Variants in NRG2 observed in about 807,000 individuals in gnomAD.
The protein encoded by NRG2 is neuregulin 2, also known as pro-neuregulin-2, membrane-bound isoform.
NRG2 carries 27 observed loss-of-function variants against 73.9 expected under a neutral mutation model. The observed-to-expected ratio is 0.37, with a 90% confidence interval of 0.27 to 0.50. The LOEUF (loss-of-function observed/expected upper bound fraction) is 0.50. Ranked by LOEUF, NRG2 falls within the 20% of genes least tolerant of loss-of-function variation. NRG2 has a pLI of 0.96. For synonymous variants in NRG2, 532 were observed against 541.0 expected, an observed-to-expected ratio of 0.98 and a Z score of 0.23; for missense variants, 1,126 against 1,210.1, an observed-to-expected ratio of 0.93 and a Z score of 1.03.
rs1207876862 is a variant in NRG2, at chr5:139,932,794, TCTC to T, written c.701-45286_701-45284del. Among the ~76,000 whole-genome samples the T allele has an allele frequency of 3.3e-5, 5 of 150,844 alleles. No individual in the cohort carries two copies. The South Asian group carries it at 6.3e-4, about 19-fold the overall frequency. Reference sequence around the variant, plus strand: ...AAGAGAAAGAGAATAGAGAAAGAAATCTCCTAGAAGTGTCAAGAAGAAAAAGAA... The same window carrying T: ...AAGAGAAAGAGAATAGAGAAAGAAATCTAGAAGTGTCAAGAAGAAAAAGAA... On this transcript the variant is annotated intron_variant, in intron 1 of 9. Coordinates refer to ENST00000361474, the MANE Select transcript of NRG2 (RefSeq NM_004883.3).
chr5:139,887,541 C>T lies in NRG2; in HGVS notation c.701-30G>A, dbSNP rs542563377. 2.0e-5 allele frequency: 32 copies of T among 1,609,020 alleles called. No homozygotes were observed. The highest frequency in any genetic ancestry group is 8.9e-5 in the East Asian group (4 of 44,758). On this transcript the variant is annotated intron_variant, in intron 1 of 9. Coordinates refer to ENST00000361474, the MANE Select transcript of NRG2 (RefSeq NM_004883.3). This position sits in a 1 kb window ranked among gnomAD's most constrained non-coding sequence, Gnocchi z 4.5. ...GGGTTACAAGGCAGGTAGGTGAGCA[C>T]GGTGGTGGTAGGGGCAGTGCCAAGC...
Position 139,847,937 on chromosome 5 carries a change from G to A in NRG2, c.2533C>T (p.Gln845Ter). The A allele has an allele frequency of 6.7e-7, 1 of 1,498,726 alleles. No homozygotes were observed. The highest frequency in any genetic ancestry group is 8.9e-7 in the Non-Finnish European group (1 of 1,129,630). 92.8% of individuals were successfully genotyped at this position (1,498,726 alleles called of 1,614,324 possible). ...GGGCCCTAGAGTGGCGCCGAGTCCT[G>A]CTTGGCCCGCGGGGGCGGCCCGCGG... ...HSRGPPPRAK[Q>*]DSAPL Residue 845 changes from glutamine (Q) to a stop codon, truncating the protein, a stop_gained, in exon 10 of 10, where the codon CAG (glutamine) becomes TAG (stop). Transcript: ENST00000361474. LOFTEE classifies it high-confidence loss of function.
chr5:139,885,358 C>T (rs1466351886), intron 2 of NRG2, among the ~76,000 whole-genome samples: 5 of 152,178 alleles, frequency 3.3e-5, no homozygotes, highest in South Asian at 4.1e-4. Flanking sequence ...AGGCCGAGGC[C>T]GCTGAGAGGC....
At chr5:139,993,108 T>G (rs1196649714) in intron 1 of NRG2, among the ~76,000 whole-genome samples, 1 of 152,128 alleles carries the variant, frequency 6.6e-6, no homozygotes, top group Non-Finnish European at 1.5e-5. Flanking sequence ...ATTGCATTTG[T>G]GTGTGGTGTG....
intron 1 of NRG2, among the ~76,000 whole-genome samples, chr5:139,978,577 C>T (rs1395626994): frequency 6.6e-6 from 1 of 152,148 alleles, no homozygotes; most frequent in Admixed American, 6.5e-5. Flanking sequence ...CCATTTGACC[C>T]CGCCATCCCA....
intron 1 of NRG2, among the ~76,000 whole-genome samples, chr5:139,980,287 C>T (rs1025779113): frequency 6.6e-6 from 1 of 151,630 alleles, no homozygotes; most frequent in Non-Finnish European, 1.5e-5. Flanking sequence ...TGAAGCCAAA[C>T]ATCCAGCCCC....
chr5:139,859,763 G>A (rs1183830924), intron 5 of NRG2: 21 of 950,314 alleles, frequency 2.2e-5, no homozygotes, highest in Non-Finnish European at 3.4e-5. Flanking sequence ...GGGGCCAGGA[G>A]AGATTTTTGG....
Position 139,852,710 on chromosome 5 carries a change from C to A in NRG2, c.1417-151G>T. ...ACTTGATGTTGGGGCAGCGATGGCT[C>A]CAGCAAATCAACCCCCACCCCTTCC... On this transcript the variant is annotated intron_variant, in intron 7 of 9. Coordinates refer to ENST00000361474, the MANE Select transcript of NRG2 (RefSeq NM_004883.3). This position sits in a 1 kb window ranked among gnomAD's most constrained non-coding sequence, Gnocchi z 4.4. The A allele has an allele frequency of 7.0e-7, 1 of 1,420,806 alleles. No homozygotes were observed. Among genetic ancestry groups the A allele is most frequent in the Non-Finnish European group, 9.6e-7 (1 of 1,040,720 alleles). The allele number at this position is 1,420,806 out of a possible 1,614,324, so 88.0% of individuals were successfully genotyped here. A position where few individuals can be genotyped will look rare whatever the true frequency, so the allele number is the denominator to read the frequency against.
At chr5:139,883,664 C>A (rs1035083275) in intron 2 of NRG2, among the ~76,000 whole-genome samples, 2 of 152,168 alleles carry the variant, frequency 1.3e-5, no homozygotes, top group African/African-American at 4.8e-5. Context: ...GGCCCCTCTA[C>A]TAGGTGAGAT....
chr5:140,042,686 G>C lies in NRG2; in HGVS notation c.384C>G (p.Pro128=), dbSNP rs759552262. Residue 128 remains proline (P), a synonymous_variant, in exon 1 of 10, where the codon CCC becomes CCG. Coordinates refer to ENST00000361474, the MANE Select transcript of NRG2 (RefSeq NM_004883.3). ...CCTGTACCTTGCCCTCCACCACCAC[G>C]GGTGCCTTGTACGCCTGGTCCTGCA... ...KSVQDQAYKA[P]VVVEGKVQGL... 3.8e-6 allele frequency: 6 copies of C among 1,586,584 alleles called. No individual in the cohort carries two copies. The highest frequency in any genetic ancestry group is 3.3e-4 in the Middle Eastern group (2 of 6,032).
chr5:139,967,287 G>A (rs542085846), intron 1 of NRG2, among the ~76,000 whole-genome samples: 1 of 152,298 alleles, frequency 6.6e-6, no homozygotes, highest in Admixed American at 6.5e-5. Context: ...CTGGGTACAA[G>A]GTAGATGTCC....
intron 3 of NRG2, among the ~76,000 whole-genome samples, chr5:139,874,556 T>C (rs1185704489): frequency 6.6e-6 from 1 of 152,230 alleles, no homozygotes; most frequent in African/African-American, 2.4e-5. Context: ...CAGGCCACCA[T>C]TGTCTCTTTC....
At chr5:139,849,448 C>G (rs1396717350) in intron 9 of NRG2, among the ~76,000 whole-genome samples, 1 of 152,166 alleles carries the variant, frequency 6.6e-6, no homozygotes, top group African/African-American at 2.4e-5. Context: ...GGTGTCTCTG[C>G]TTGTGGCTAC....
At chr5:139,988,090 CA>C (rs1378196081) in intron 1 of NRG2, among the ~76,000 whole-genome samples, 1 of 150,538 alleles carries the variant, frequency 6.6e-6, no homozygotes, top group Admixed American at 6.6e-5. Flanking sequence ...GGTTGATTTT[CA>C]GAAACTAATT....
intron 1 of NRG2, among the ~76,000 whole-genome samples, chr5:139,955,210 A>G (rs1754526183): frequency 6.6e-6 from 1 of 152,182 alleles, no homozygotes; most frequent in Non-Finnish European, 1.5e-5. Flanking sequence ...CTTCAACGCC[A>G]TCAAGGAACA....
chr5:139,939,247 T>C (rs57212447), intron 1 of NRG2, among the ~76,000 whole-genome samples: 10,397 of 125,100 alleles, frequency 0.083, 403 homozygotes, highest in South Asian at 0.12. Context: ...TTCCTTCCTT[T>C]CTTTCTTTCT....
intron 1 of NRG2, among the ~76,000 whole-genome samples, chr5:139,926,853 G>C (rs73791247): frequency 0.017 from 2,571 of 152,212 alleles, 71 homozygotes; most frequent in African/African-American, 0.059. Context: ...ATCTCCATTC[G>C]CCCTCCTTTG....
At chr5:139,855,620 C>T in intron 6 of NRG2, 56 bp downstream of exon 6, 1 of 1,424,326 alleles carries the variant, frequency 7.0e-7, no homozygotes, top group Non-Finnish European at 9.9e-7. Context: ...CACACACATT[C>T]TTGGAGGCCC....
Position 139,870,013 on chromosome 5 carries a change from C to T in NRG2, c.1112+1708G>A, listed in dbSNP as rs1762734376. On this transcript the variant is annotated intron_variant, in intron 4 of 9. Transcript: ENST00000361474. This position sits in a 1 kb window ranked among gnomAD's most constrained non-coding sequence, Gnocchi z 4.4. The stretch of plus-strand genomic sequence containing the variant: ...GCTGGATCCCTTCAAAGTCTGGGGT[C>T]CAAGGGGCTAGGGAAGAGGAGAGAC... Among the ~76,000 whole-genome samples, 1 of 152,114 alleles carries T rather than the reference C, an allele frequency of 6.6e-6. No homozygotes were observed. Among genetic ancestry groups the T allele is most frequent in the Non-Finnish European group, 1.5e-5 (1 of 68,024 alleles).
Sources: allele counts gnomAD v4.1 joint callset (sites outside exome capture counted in the v4.1 genomes callset), GRCh38; gene constraint gnomAD v4.1.1; non-coding constraint Gnocchi (gnomAD v3.1); transcripts MANE v1.5; gene names NCBI Gene and HGNC (gene_info 2026-07-23, HGNC 2026-07-21).